LAMA3: variants seen among roughly 807,000 people sequenced by gnomAD.
The protein encoded by LAMA3 is laminin subunit alpha-3.
In LAMA3, 281 loss-of-function variants were observed where a neutral mutation model predicts 402.0. The observed-to-expected ratio is 0.70, with a 90% confidence interval of 0.63 to 0.77. The LOEUF (loss-of-function observed/expected upper bound fraction) is 0.77, where lower values mean the gene tolerates loss of function less well. LAMA3 is among the 30% of genes least tolerant of loss of function. The pLI, the probability that LAMA3 is intolerant of heterozygous loss-of-function variation, is 0.00. For synonymous variants in LAMA3, 1,431 were observed against 1,558.4 expected (o/e 0.92, Z 1.93); for missense variants, 3,840 against 4,215.5 (o/e 0.91, Z 2.47).
intron 23 of LAMA3, among the ~76,000 whole-genome samples, chr18:23,828,499 A>G (rs2063429168): frequency 6.6e-6 from 1 of 152,220 alleles, no homozygotes; most frequent in Non-Finnish European, 1.5e-5. Context: ...GTATACACAC[A>G]TACACACATA....
At chr18:23,801,402 TCA>T (rs1023749723) in intron 12 of LAMA3, among the ~76,000 whole-genome samples, 2 of 152,014 alleles carry the variant, frequency 1.3e-5, no homozygotes, top group African/African-American at 2.4e-5. Flanking sequence ...TCAGCAACAC[TCA>T]GTTTACCCAT....
At chr18:23,754,365 G>T (rs2061805709) in intron 6 of LAMA3, among the ~76,000 whole-genome samples, 5 of 152,124 alleles carry the variant, frequency 3.3e-5, no homozygotes, top group Admixed American at 3.3e-4. Context: ...CAACCATCAT[G>T]ACTATCCTAG....
At chr18:23,852,453 A>G (rs2063967451) in intron 32 of LAMA3, among the ~76,000 whole-genome samples, 1 of 152,214 alleles carries the variant, frequency 6.6e-6, no homozygotes, top group South Asian at 2.1e-4. Context: ...TTTAATGAGG[A>G]TGAAACATCT....
At chr18:23,912,945 A>G (rs2145226417) in intron 56 of LAMA3, 64 bp downstream of exon 56, 5 of 1,447,744 alleles carry the variant, frequency 3.5e-6, no homozygotes, top group Middle Eastern at 1.8e-4. Flanking sequence ...TGTGCTTTTG[A>G]GATGTGTGGC....
intron 11 of LAMA3, among the ~76,000 whole-genome samples, chr18:23,782,795 CT>C (rs11446507): frequency 0.011 from 1,485 of 135,972 alleles, 13 homozygotes; most frequent in African/African-American, 0.028. Flanking sequence ...TTCTGAGCAT[CT>C]TTTTTTTTTT....
At chr18:23,757,716 G>A (rs2143666703) in intron 6 of LAMA3, among the ~76,000 whole-genome samples, 1 of 152,342 alleles carries the variant, frequency 6.6e-6, no homozygotes, top group Non-Finnish European at 1.5e-5. Context: ...TTTCAAGTAC[G>A]GAAGGAGGGA....
At chr18:23,818,052 G>A (rs552683469) in intron 18 of LAMA3, among the ~76,000 whole-genome samples, 1 of 152,298 alleles carries the variant, frequency 6.6e-6, no homozygotes, top group South Asian at 2.1e-4. Flanking sequence ...CTACTCTGGA[G>A]GCTGAGGCAG....
chr18:23,926,591 T>C (rs999872282), intron 62 of LAMA3, among the ~76,000 whole-genome samples: 1 of 152,252 alleles, frequency 6.6e-6, no homozygotes, highest in Non-Finnish European at 1.5e-5. Context: ...TGAATTGGAT[T>C]AAAATGAATG....
rs1199023326 is a variant in LAMA3 at position 23,914,746 on chromosome 18, T to G, written c.7530T>G (p.Ser2510Arg). The G allele has an allele frequency of 6.2e-7, 1 of 1,613,686 alleles. No individual in the cohort carries two copies. Among genetic ancestry groups the G allele is most frequent in the Non-Finnish European group, 8.5e-7 (1 of 1,179,704 alleles). ...ATTACACCAAAGGAGCCACATCCAG[T>G]AAACCAGAAACACCCGGAGTCTATG... is the stretch of plus-strand genomic sequence containing the variant. ...RLNYTKGATS[S>R]KPETPGVYDM... The change falls in exon 58 of 75, where the codon AGT (serine) becomes AGG (arginine). Residue 2510 changes from serine to arginine, a missense_variant. This residue lies in a region of LAMA3 where 891 missense variants were observed against 857.5 expected (regional missense o/e 1.04). Transcript: ENST00000313654.
intron 9 of LAMA3, among the ~76,000 whole-genome samples, chr18:23,774,935 A>G (rs1300847740): frequency 2.0e-5 from 3 of 152,258 alleles, no homozygotes; most frequent in African/African-American, 7.2e-5. Flanking sequence ...TGCCAATGTA[A>G]TTGTACCTCA....
rs150364364 is a variant in LAMA3, at chr18:23,953,034, A to G, written c.9781A>G (p.Ser3261Gly). 467 of 1,613,998 alleles carry G rather than the reference A, an allele frequency of 2.9e-4. No individual in the cohort carries two copies. The highest frequency in any genetic ancestry group is 3.8e-4 in the Non-Finnish European group (443 of 1,179,968). The change falls in exon 74 of 75, where the codon AGT becomes GGT. Residue 3261 changes from serine to glycine, a missense_variant. Around this residue, in one of 3 missense-constraint regions of LAMA3, gnomAD observed 840 missense variants for 981.9 expected, o/e 0.86. Transcript: ENST00000313654. ...HILHLELDTD[S>G]SYTAGQIPFP... is the part of the protein sequence containing the mutation. The stretch of plus-strand genomic sequence containing the variant: ...CCTGCACCTGGAACTGGACACAGAC[A>G]GTAGCTACACAGCTGGACAGATCCC...
At chr18:23,692,567 C>A (rs1405090354) in intron 1 of LAMA3, among the ~76,000 whole-genome samples, 1 of 152,036 alleles carries the variant, frequency 6.6e-6, no homozygotes. Flanking sequence ...CCACCGCAGC[C>A]GGCCCGTTTT....
chr18:23,690,883 A>ATTTATTTG (rs1260321302), intron 1 of LAMA3, among the ~76,000 whole-genome samples: 2 of 135,612 alleles, frequency 1.5e-5, no homozygotes, highest in African/African-American at 2.9e-5. Flanking sequence ...TTATTTATTT[A>ATTTATTTG]TTTATTTATT....
intron 11 of LAMA3, among the ~76,000 whole-genome samples, chr18:23,778,006 A>G (rs551746237): frequency 8.5e-5 from 13 of 152,210 alleles, no homozygotes; most frequent in Non-Finnish European, 1.9e-4. Context: ...GAAGGGAACC[A>G]TGATAAAGGT....
At chr18:23,722,042 C>T (rs746477872) in intron 2 of LAMA3, among the ~76,000 whole-genome samples, 6 of 152,198 alleles carry the variant, frequency 3.9e-5, no homozygotes, top group East Asian at 1.9e-4. Flanking sequence ...ATGTCACATA[C>T]GCTCCTTCAG....
intron 31 of LAMA3, among the ~76,000 whole-genome samples, chr18:23,846,978 T>C (rs1207622994): frequency 1.3e-5 from 2 of 152,148 alleles, no homozygotes; most frequent in Non-Finnish European, 2.9e-5. Flanking sequence ...CATCTTGTGG[T>C]CCGAGGGGTA....
intron 56 of LAMA3, 117 bp downstream of exon 56, chr18:23,912,998 C>T (rs2081486803): frequency 4.1e-6 from 4 of 977,564 alleles, no homozygotes; most frequent in Non-Finnish European, 6.4e-6. Flanking sequence ...AGAAATCCTA[C>T]TGAGACATCG....
chr18:23,857,130 T>A (rs1312773020), intron 32 of LAMA3, among the ~76,000 whole-genome samples: 1 of 152,210 alleles, frequency 6.6e-6, no homozygotes, highest in African/African-American at 2.4e-5. Flanking sequence ...CTCATAGGTA[T>A]GAAAAGCAGG....
At chr18:23,904,144 C>T (rs1379061709) in intron 50 of LAMA3, 57 bp downstream of exon 50, 1 of 1,601,744 alleles carries the variant, frequency 6.2e-7, no homozygotes, top group South Asian at 1.1e-5. Flanking sequence ...AGCAGCTTGT[C>T]CTGAGACAAG....
Sources: gnomAD v4.1 joint callset for allele counts (sites outside exome capture counted in the v4.1 genomes callset) on GRCh38, gnomAD v4.1.1 for gene constraint, gnomAD v4.1.1 regional missense constraint, MANE v1.5 for transcripts, NCBI Gene and HGNC (gene_info 2026-07-23, HGNC 2026-07-21) for gene names.